SRPRA: variants seen among roughly 807,000 people sequenced by gnomAD.
The protein encoded by SRPRA is SRP receptor subunit alpha.
SRPRA carries 30 observed loss-of-function variants against 61.1 expected under a neutral mutation model. The ratio of observed to expected loss-of-function variants is 0.49; its 90% CI spans 0.37 to 0.67. The LOEUF (loss-of-function observed/expected upper bound fraction) is 0.67, where lower values mean the gene tolerates loss of function less well. SRPRA is among the 30% of genes least tolerant of loss of function. The pLI, the probability that SRPRA is intolerant of heterozygous loss-of-function variation, is 0.00. For missense variants in SRPRA, 759 were observed against 828.4 expected, an observed-to-expected ratio of 0.92 and a Z score of 1.03; for synonymous variants, 324 against 299.7, an observed-to-expected ratio of 1.08 and a Z score of -0.84.
the SRPRA span, among the ~76,000 whole-genome samples, chr11:126,255,801 A>G: frequency 2.0e-5 from 3 of 151,558 alleles, no homozygotes; most frequent in African/African-American, 2.4e-5. This position sits in a 1 kb window ranked among gnomAD's most constrained non-coding sequence, Gnocchi z 4.6. Context: ...AAAAATAGGA[A>G]AATTAGCTGG....
the SRPRA span, among the ~76,000 whole-genome samples, chr11:126,247,130 G>A: frequency 6.6e-6 from 1 of 152,206 alleles, no homozygotes; most frequent in African/African-American, 2.4e-5. Context: ...CTGTCTGTAC[G>A]AAAAATTTAA....
the SRPRA span, among the ~76,000 whole-genome samples, chr11:126,243,129 C>T: frequency 1.3e-5 from 2 of 152,148 alleles, no homozygotes; most frequent in South Asian, 4.1e-4. Context: ...TGATTCCATT[C>T]ATATAAAATG....
Position 126,267,110 on chromosome 11 carries a change from C to T in SRPRA, c.526+65G>A. 6.3e-7 allele frequency: 1 copy of T among 1,587,660 alleles called. No individual in the cohort carries two copies. The highest frequency in any genetic ancestry group is 1.1e-5 in the South Asian group (1 of 88,996). On this transcript the variant is annotated intron_variant, in intron 4 of 13. Transcript: ENST00000332118. This position sits in a 1 kb window ranked among gnomAD's most constrained non-coding sequence, Gnocchi z 4.2. ...TAAGCAATGACAAAAGGAAGGACCACCTCAGTCCTTAGCACCGTGTTAACA... is the reference window on the plus strand; with the variant it reads ...TAAGCAATGACAAAAGGAAGGACCATCTCAGTCCTTAGCACCGTGTTAACA...
At position 126,266,897 on chromosome 11, in the gene SRPRA, G is replaced by C. The variant is rs759256887; in HGVS notation, c.552C>G (p.Ser184Arg). 6.2e-7 allele frequency: 1 copy of C among 1,614,122 alleles called. No homozygotes were observed. Among genetic ancestry groups the C allele is most frequent in the Admixed American group, 1.7e-5 (1 of 60,000 alleles). The stretch of plus-strand genomic sequence containing the variant: ...CTGACTTTTCTGCAGGGACTGGTTT[G>C]CTGGTAGCCAAAGGACCATCAGAAC... The part of the protein sequence containing the change: ...KEGSDGPLAT[S>R]KPVPAEKSGL... Residue 184 changes from serine (S) to arginine (R), a missense_variant, in exon 5 of 14, where the codon AGC (serine) becomes AGG (arginine). Transcript: ENST00000332118.
the SRPRA span, chr11:126,241,162 G>A: frequency 9.0e-7 from 1 of 1,111,566 alleles, no homozygotes; most frequent in Non-Finnish European, 1.3e-6. Context: ...TTCATTTACA[G>A]CTTGTAGGTT....
chr11:126,267,884 C>A lies in SRPRA; in HGVS notation c.201+119G>T. 7.2e-7 allele frequency: 1 copy of A among 1,396,954 alleles called. No homozygotes were observed. Among genetic ancestry groups the A allele is most frequent in the Non-Finnish European group, 1.0e-6 (1 of 1,002,476 alleles). The allele number at this position is 1,396,954 out of a possible 1,614,324, so 86.5% of individuals were successfully genotyped here. ...CCCAGTAGCTGCTGTTTTCCCCCAT[C>A]TACCTTTCTAGTTTTTTCAGTTACG... On this transcript the variant is annotated intron_variant, in intron 2 of 13. Transcript: ENST00000332118. This position sits in a 1 kb window ranked among gnomAD's most constrained non-coding sequence, Gnocchi z 4.2.
the SRPRA span, chr11:126,250,576 A>G: frequency 6.2e-7 from 1 of 1,614,160 alleles, no homozygotes. This position sits in a 1 kb window ranked among gnomAD's most constrained non-coding sequence, Gnocchi z 5.1. Context: ...TTGGAGTCAA[A>G]GATGGAAGAT....
At position 126,267,441 on chromosome 11, in the gene SRPRA, C is replaced by G; in HGVS notation, c.366-106G>C. On this transcript the variant is annotated intron_variant, in intron 3 of 13. Transcript: ENST00000332118. The surrounding 1 kb of genome is among the most constrained non-coding windows in gnomAD (Gnocchi z 4.2). ...CAAGAGGACAATGAGAACTGGGTAGCAAATTAGGAATGTCTTTGAACACAT... is the reference window on the plus strand; with the variant it reads ...CAAGAGGACAATGAGAACTGGGTAGGAAATTAGGAATGTCTTTGAACACAT... 1 of 1,582,798 alleles carries G rather than the reference C, an allele frequency of 6.3e-7. No individual in the cohort carries two copies. The highest frequency in any genetic ancestry group is 8.6e-7 in the Non-Finnish European group (1 of 1,161,974).
Position 126,267,737 on chromosome 11 carries a change from C to A in SRPRA, c.202-25G>T. 1 of 1,613,566 alleles carries A rather than the reference C, an allele frequency of 6.2e-7. No individual in the cohort carries two copies. Among genetic ancestry groups the A allele is most frequent in the South Asian group, 1.1e-5 (1 of 91,062 alleles). ...CCTGTTTAGGGGAAGAAACAGCCAA[C>A]AGATCTGCTTACATACTAGCCTAGA... On this transcript the variant is annotated intron_variant, in intron 2 of 13. Transcript: ENST00000332118. This position sits in a 1 kb window ranked among gnomAD's most constrained non-coding sequence, Gnocchi z 4.2.
In SRPRA at chr11:126,267,550, G is replaced by A. The variant is rs779477363; in HGVS notation, c.364C>T (p.Arg122Cys). Residue 122 changes from arginine to cysteine, a missense_variant and splice_region_variant, in exon 3 of 14, where the codon CGT becomes TGT. Around this residue, in one of 2 missense-constraint regions of SRPRA, gnomAD observed 475 missense variants for 462.5 expected, o/e 1.03. Transcript: ENST00000332118. The surrounding 1 kb of genome is among the most constrained non-coding windows in gnomAD (Gnocchi z 4.2). ...TTTTAGAGAAGGCAGGTCTCTCACC[G>A]AAGGAGCCGCAGGAAGTCATTTTGG... Reference protein sequence around the residue: ...DFQNDFLRLLREAEESSKIRA... With the variant: ...DFQNDFLRLLCEAEESSKIRA... 1.9e-6 allele frequency: 3 copies of A among 1,613,814 alleles called. No homozygotes were observed. Among genetic ancestry groups the A allele is most frequent in the South Asian group, 2.2e-5 (2 of 91,080 alleles).
Position 126,265,202 on chromosome 11 carries a change from AAAGC to A in SRPRA, c.1312-34_1312-31del, listed in dbSNP as rs1232673712. ...GAAAAAGACGTAAGAAAAGTCACCT[AAAGC>A]CAGGATTTTGAGACACAAGAAGTAC... On this transcript the variant is annotated intron_variant, in intron 10 of 13. Transcript: ENST00000332118. The surrounding 1 kb of genome is among the most constrained non-coding windows in gnomAD (Gnocchi z 6.3). The A allele has an allele frequency of 1.2e-6, 2 of 1,613,994 alleles. No homozygotes were observed. The highest frequency in any genetic ancestry group is 2.2e-5 in the South Asian group (2 of 91,086).
chr11:126,247,565 A>T, the SRPRA span, among the ~76,000 whole-genome samples: 1 of 152,116 alleles, frequency 6.6e-6, no homozygotes, highest in African/African-American at 2.4e-5. Context: ...TGGTGTTAAA[A>T]TGTAGTACGT....
Position 126,264,503 on chromosome 11 carries a change from G to C in SRPRA, c.1562C>G (p.Thr521Arg), listed in dbSNP as rs1244483044. 2 of 1,613,500 alleles carry C rather than the reference G, an allele frequency of 1.2e-6. No individual in the cohort carries two copies. Among genetic ancestry groups the C allele is most frequent in the Non-Finnish European group, 1.7e-6 (2 of 1,180,042 alleles). Residue 521 changes from threonine (T) to arginine (R), a missense_variant, in exon 12 of 14, where the codon ACG becomes AGG. Coordinates refer to ENST00000332118, the MANE Select transcript of SRPRA (RefSeq NM_003139.4). The surrounding 1 kb of genome is among the most constrained non-coding windows in gnomAD (Gnocchi z 5.0). ...NQGFDVVLVDTAGRMQDNAPL... is the reference protein window; with the variant it reads ...NQGFDVVLVDRAGRMQDNAPL... ...GGCATTGTCTTGCATGCGGCCTGCCGTGTCCACCAGCACCACGTCAAAGCC... is the reference window on the plus strand; with the variant it reads ...GGCATTGTCTTGCATGCGGCCTGCCCTGTCCACCAGCACCACGTCAAAGCC...
intron 6 of SRPRA, 73 bp downstream of exon 6, chr11:126,266,403 A>G (rs1214741982): frequency 6.3e-6 from 10 of 1,593,246 alleles, no homozygotes; most frequent in African/African-American, 1.3e-5. Flanking sequence ...TTCAAATCCC[A>G]GTATCACGTT....
the SRPRA span, among the ~76,000 whole-genome samples, chr11:126,255,895 GCAGTGAGCCAAGA>G: frequency 6.6e-6 from 1 of 152,170 alleles, no homozygotes; most frequent in Non-Finnish European, 1.5e-5. The surrounding 1 kb of genome is among the most constrained non-coding windows in gnomAD (Gnocchi z 4.6). Flanking sequence ...AGAGGAGGTT[GCAGTGAGCCAAGA>G]CCATGCCACT....
Position 126,267,256 on chromosome 11 carries a change from C to A in SRPRA, c.445G>T (p.Val149Leu). ...FEDSEKAKKP[V>L]RSMIETRGEK... Reference sequence around the variant, plus strand: ...CCCCGTGTCTCAATCATGGACCTCACAGGTTTCTTGGCCTTTTCAGAATCT... The same window carrying A: ...CCCCGTGTCTCAATCATGGACCTCAAAGGTTTCTTGGCCTTTTCAGAATCT... The change falls in exon 4 of 14, where the codon GTG (valine) becomes TTG (leucine). Residue 149 changes from valine to leucine, a missense_variant. Physicochemically the swap from Val to Leu is conservative, Grantham distance 32 (BLOSUM62 1). Transcript: ENST00000332118. This position sits in a 1 kb window ranked among gnomAD's most constrained non-coding sequence, Gnocchi z 4.2. 6.2e-7 allele frequency: 1 copy of A among 1,614,168 alleles called. No homozygotes were observed. Among genetic ancestry groups the A allele is most frequent in the East Asian group, 2.2e-5 (1 of 44,884 alleles).
chr11:126,236,104 T>A, the SRPRA span, among the ~76,000 whole-genome samples: 2 of 152,244 alleles, frequency 1.3e-5, no homozygotes, highest in East Asian at 3.8e-4. Flanking sequence ...TCTCCAGTCC[T>A]GTTGCGTTCC....
Position 126,265,400 on chromosome 11 carries a change from C to G in SRPRA, c.1179G>C (p.Leu393=). 6.2e-7 allele frequency: 1 copy of G among 1,613,940 alleles called. No homozygotes were observed. The highest frequency in any genetic ancestry group is 1.1e-5 in the South Asian group (1 of 91,072). The change falls in exon 10 of 14, where the codon CTG becomes CTC. Residue 393 remains leucine (L), a synonymous_variant. Coordinates refer to ENST00000332118, the MANE Select transcript of SRPRA (RefSeq NM_003139.4). The surrounding 1 kb of genome is among the most constrained non-coding windows in gnomAD (Gnocchi z 6.3). ...GACGCTGTGGCTGCAGAATCTGCAC[C>G]AGGGACTCCTGTAGGGCTTGCTTTA... ...STVKQALQES[L]VQILQPQRRV...
At chr11:126,255,061 C>T in the SRPRA span, among the ~76,000 whole-genome samples, 1 of 152,154 alleles carries the variant, frequency 6.6e-6, no homozygotes, top group Non-Finnish European at 1.5e-5. This position sits in a 1 kb window ranked among gnomAD's most constrained non-coding sequence, Gnocchi z 4.6. Flanking sequence ...CTCTCTGTGT[C>T]AGAAATAATT....
Sources: gnomAD v4.1 joint callset for allele counts (sites outside exome capture counted in the v4.1 genomes callset) on GRCh38, gnomAD v4.1.1 for gene constraint, gnomAD v4.1.1 regional missense constraint, Gnocchi (gnomAD v3.1) non-coding constraint, MANE v1.5 for transcripts, NCBI Gene and HGNC (gene_info 2026-07-23, HGNC 2026-07-21) for gene names.